TMEM164: variants seen among roughly 807,000 people sequenced by gnomAD.
TMEM164 encodes the protein transmembrane protein 164.
Under a neutral mutation model 18.8 loss-of-function variants are expected in TMEM164, and 4 were observed. That is an observed-to-expected ratio of 0.21 (90% CI 0.10 to 0.49). The LOEUF is 0.49. Among genes scored for constraint, TMEM164 ranks in the 20% least tolerant of loss-of-function variants. The pLI is 0.98. For synonymous variants in TMEM164, 86 were observed against 101.7 expected (o/e 0.85, Z 0.93); for missense variants, 108 against 239.9 (o/e 0.45, Z 3.63).
chrX:110,090,774 A>T (rs941363559), intron 3 of TMEM164, among the ~76,000 whole-genome samples: 1 of 111,141 alleles, frequency 9.0e-6, no homozygotes, highest in Non-Finnish European at 1.9e-5. Context: ...TTTGTTACAT[A>T]TGTATACATG....
In TMEM164 at chrX:110,176,123, AG is replaced by A; in HGVS notation, c.*2675del. ...CGTGTGGGAGCTCTGCGCGTGTGTG[AG>A]GGTGTTTGTAGAAGAGGGCAGTTTC... is the stretch of plus-strand genomic sequence containing the variant. On this transcript the variant is annotated 3_prime_UTR_variant, in exon 7 of 7. Coordinates refer to ENST00000372068, the MANE Select transcript of TMEM164 (RefSeq NM_032227.4). 2.6e-6 allele frequency: 2 copies of A among 756,583 alleles called. No homozygotes were observed. Among genetic ancestry groups the A allele is most frequent in the Non-Finnish European group, 3.1e-6 (2 of 639,627 alleles). 62.4% of individuals were successfully genotyped at this position (756,583 alleles called of 1,213,427 possible). A position where few individuals can be genotyped will look rare whatever the true frequency, so the allele number is the denominator to read the frequency against.
At chrX:110,084,382 A>AC (rs796386075) in intron 3 of TMEM164, among the ~76,000 whole-genome samples, 37 of 29,266 alleles carry the variant, frequency 1.3e-3, no homozygotes, top group East Asian at 0.016. Context: ...TATATAGTGT[A>AC]TATATATATA....
At chrX:110,008,476 C>T (rs761375427) in intron 2 of TMEM164, among the ~76,000 whole-genome samples, 22 of 111,654 alleles carry the variant, frequency 2.0e-4, no homozygotes, top group Admixed American at 3.8e-4. Context: ...AGATGGACTG[C>T]GTCCTGTGTC....
At chrX:110,119,189 G>T (rs1457733329) in intron 4 of TMEM164, among the ~76,000 whole-genome samples, 1 of 112,233 alleles carries the variant, frequency 8.9e-6, no homozygotes, top group Non-Finnish European at 1.9e-5. Context: ...CATCACCAAT[G>T]CAAAGGTGAT....
At chrX:110,077,867 T>A (rs2065695559) in intron 3 of TMEM164, among the ~76,000 whole-genome samples, 1 of 112,026 alleles carries the variant, frequency 8.9e-6, no homozygotes, top group African/African-American at 3.2e-5. Flanking sequence ...ATCTGACCCT[T>A]TTGTCTAGCT....
downstream of TMEM164, among the ~76,000 whole-genome samples, chrX:110,179,415 A>C (rs763047793): frequency 1.4e-4 from 16 of 111,918 alleles, no homozygotes; most frequent in Admixed American, 7.5e-4. Flanking sequence ...TGTAGCATAC[A>C]AGCCCTGGGC....
chrX:110,153,781 A>T (rs1008909845), intron 5 of TMEM164, among the ~76,000 whole-genome samples: 98 of 111,220 alleles, frequency 8.8e-4, no homozygotes, highest in Non-Finnish European at 1.6e-3. Flanking sequence ...TTTGAAAAAA[A>T]TTTTTTTTCA....
At chrX:110,092,299 C>G (rs1285496674) in intron 3 of TMEM164, among the ~76,000 whole-genome samples, 1 of 111,803 alleles carries the variant, frequency 8.9e-6, no homozygotes, top group East Asian at 2.8e-4. Context: ...TTACCTTGGG[C>G]AGTATGGCCA....
rs758816845 is a variant in TMEM164 at position 110,062,873 on chromosome X, A to C, written c.391-4474A>C. ...AAGCCATGGAAGGATTTAAAATGGC[A>C]GATCAGAGGGGCATTTTAGATAGAT... On this transcript the variant is annotated intron_variant, in intron 2 of 6. Transcript: ENST00000372068. 2.7e-5 allele frequency among the ~76,000 whole-genome samples: 3 copies of C among 111,549 alleles called. No homozygotes were observed. The East Asian group carries it at 8.5e-4, about 32-fold the overall frequency.
chrX:110,095,081 A>C (rs937447327), intron 3 of TMEM164, among the ~76,000 whole-genome samples: 1 of 111,919 alleles, frequency 8.9e-6, no homozygotes, highest in African/African-American at 3.2e-5. Context: ...TTTGTGGGTA[A>C]CCCGACCTTT....
intron 2 of TMEM164, among the ~76,000 whole-genome samples, chrX:110,056,103 C>A (rs1376946101): frequency 9.0e-6 from 1 of 111,184 alleles, no homozygotes; most frequent in East Asian, 2.8e-4. Flanking sequence ...ATATGTGCAA[C>A]CACCACCACA....
At chrX:110,122,410 C>G (rs1387850544) in intron 4 of TMEM164, among the ~76,000 whole-genome samples, 2 of 85,245 alleles carry the variant, frequency 2.3e-5, no homozygotes, top group Non-Finnish European at 4.4e-5. Context: ...GAACATCACA[C>G]TCTGGGGACT....
At chrX:110,085,157 CT>C (rs769083794) in intron 3 of TMEM164, among the ~76,000 whole-genome samples, 128 of 96,217 alleles carry the variant, frequency 1.3e-3, no homozygotes, top group South Asian at 2.3e-3. Flanking sequence ...TTCATATGAA[CT>C]TTTTTTTTTT....
At chrX:110,126,458 G>A (rs1371759258) in intron 4 of TMEM164, among the ~76,000 whole-genome samples, 1 of 111,902 alleles carries the variant, frequency 8.9e-6, no homozygotes, top group African/African-American at 3.2e-5. Context: ...CTTATCCATA[G>A]CCTACTGCCT....
chrX:110,137,123 G>A (rs2066702030), intron 4 of TMEM164, among the ~76,000 whole-genome samples: 1 of 111,810 alleles, frequency 8.9e-6, no homozygotes, highest in Non-Finnish European at 1.9e-5. Flanking sequence ...AGTTATACAT[G>A]TATATCATTT....
At chrX:110,123,362 C>A (rs2066478621) in intron 4 of TMEM164, among the ~76,000 whole-genome samples, 1 of 111,974 alleles carries the variant, frequency 8.9e-6, no homozygotes, top group African/African-American at 3.2e-5. Context: ...GTAACAAGAT[C>A]TTCTGGGGAT....
At chrX:110,115,036 A>T (rs1569335450) in intron 4 of TMEM164, among the ~76,000 whole-genome samples, 1 of 111,758 alleles carries the variant, frequency 8.9e-6, no homozygotes, top group Non-Finnish European at 1.9e-5. Flanking sequence ...GTGGAAGAAG[A>T]TAGTAATGAT....
chrX:110,015,210 G>C (rs567941644), intron 2 of TMEM164, among the ~76,000 whole-genome samples: 4 of 111,371 alleles, frequency 3.6e-5, no homozygotes, highest in Admixed American at 9.5e-5. Flanking sequence ...CTTGGGATGT[G>C]GGGGGTGTGC....
intron 2 of TMEM164, among the ~76,000 whole-genome samples, chrX:110,008,806 A>T (rs1932881434): frequency 9.0e-6 from 1 of 111,708 alleles, no homozygotes; most frequent in African/African-American, 3.3e-5. Flanking sequence ...GAAGCATTTG[A>T]ATTCTCTGAA....
Sources: gnomAD v4.1 joint callset for allele counts (sites outside exome capture counted in the v4.1 genomes callset) on GRCh38, gnomAD v4.1.1 for gene constraint, MANE v1.5 for transcripts, NCBI Gene and HGNC (gene_info 2026-07-23, HGNC 2026-07-21) for gene names.